The following SPMAP2 variants were observed in gnomAD, a reference collection of about 807,000 sequenced individuals.
The protein encoded by SPMAP2 is Theg homolog.
At chr19:367,410 CA>C in the SPMAP2 span, among the ~76,000 whole-genome samples, 46 of 152,116 alleles carry the variant, frequency 3.0e-4, no homozygotes, top group East Asian at 5.6e-3. Context: ...AACCAATAAC[CA>C]AAAAAACCCC....
chr19:364,212 C>G, the SPMAP2 span, among the ~76,000 whole-genome samples: 1 of 150,650 alleles, frequency 6.6e-6, no homozygotes. Context: ...TGGCGGCTGC[C>G]TGTAGTCCCA....
chr19:362,318 T>C, the SPMAP2 span: 1 of 1,610,250 alleles, frequency 6.2e-7, no homozygotes, highest in Non-Finnish European at 8.5e-7. Flanking sequence ...CACTTTGGGC[T>C]TGGCCAGGGA....
At chr19:365,099 A>T in the SPMAP2 span, among the ~76,000 whole-genome samples, 1 of 152,330 alleles carries the variant, frequency 6.6e-6, no homozygotes, top group African/African-American at 2.4e-5. Flanking sequence ...GGCCATCTGA[A>T]TGGAAACTGC....
the SPMAP2 span, among the ~76,000 whole-genome samples, chr19:375,078 C>G: frequency 1.3e-5 from 2 of 152,106 alleles, no homozygotes; most frequent in African/African-American, 4.8e-5. Context: ...AGGTCGGGCA[C>G]GTGCAGGGAC....
chr19:368,430 T>G, the SPMAP2 span, among the ~76,000 whole-genome samples: 1 of 151,882 alleles, frequency 6.6e-6, no homozygotes, highest in East Asian at 1.9e-4. This position sits in a 1 kb window ranked among gnomAD's most constrained non-coding sequence, Gnocchi z 4.1. Flanking sequence ...GTCTCCCACT[T>G]ATGCTTTGCT....
chr19:373,571 G>T, the SPMAP2 span: 19 of 1,594,818 alleles, frequency 1.2e-5, no homozygotes, highest in Non-Finnish European at 1.6e-5. Context: ...GAGGCAGAGA[G>T]CCCTGGCCCT....
the SPMAP2 span, chr19:373,437 G>C: frequency 6.2e-7 from 1 of 1,609,816 alleles, no homozygotes; most frequent in Non-Finnish European, 8.5e-7. Context: ...GCAGCCGGGG[G>C]CAGGGGTCTC....
At chr19:373,507 C>T in the SPMAP2 span, 2 of 1,613,446 alleles carry the variant, frequency 1.2e-6, no homozygotes, top group Non-Finnish European at 1.7e-6. Context: ...CCTCAAGGAA[C>T]CGCTCGGTCC....
At chr19:364,336 CAAAAAAA>C in the SPMAP2 span, among the ~76,000 whole-genome samples, 11 of 74,130 alleles carry the variant, frequency 1.5e-4, no homozygotes, top group East Asian at 7.8e-4. Context: ...AGCTCTGTCT[CAAAAAAA>C]AAAAAAAAAA....
At chr19:364,353 AAAAG>A in the SPMAP2 span, among the ~76,000 whole-genome samples, 1,001 of 149,042 alleles carry the variant, frequency 6.7e-3, 5 homozygotes, top group South Asian at 0.016. Flanking sequence ...AAAAAAAAAA[AAAAG>A]AAAGAAAAAA....
chr19:370,035 C>T, the SPMAP2 span, among the ~76,000 whole-genome samples: 451 of 152,218 alleles, frequency 3.0e-3, 4 homozygotes, highest in African/African-American at 0.01. Context: ...CCAAAGAATG[C>T]AAGATGGCCA....
At chr19:364,250 C>T in the SPMAP2 span, among the ~76,000 whole-genome samples, 35 of 142,140 alleles carry the variant, frequency 2.5e-4, no homozygotes, top group Admixed American at 7.5e-4. Flanking sequence ...GGCAGGAGAA[C>T]GGCGTGAACC....
At chr19:362,203 G>A in the SPMAP2 span, 1 of 1,495,144 alleles carries the variant, frequency 6.7e-7, no homozygotes, top group Non-Finnish European at 8.9e-7. Flanking sequence ...GGAGGTCTTA[G>A]AGGCCAGGCC....
the SPMAP2 span, chr19:371,363 GGT>G: frequency 1.0e-6 from 1 of 999,648 alleles, no homozygotes. Flanking sequence ...CTCGGCCGGG[GGT>G]GGGGGTGTGT....
the SPMAP2 span, among the ~76,000 whole-genome samples, chr19:368,786 C>T: frequency 6.6e-5 from 10 of 152,312 alleles, no homozygotes; most frequent in Non-Finnish European, 8.8e-5. The surrounding 1 kb of genome is among the most constrained non-coding windows in gnomAD (Gnocchi z 4.1). Context: ...CTCAGTGATC[C>T]GTCTTCTCCC....
At chr19:365,148 C>T in the SPMAP2 span, among the ~76,000 whole-genome samples, 3 of 152,340 alleles carry the variant, frequency 2.0e-5, no homozygotes, top group Admixed American at 2.0e-4. Context: ...CACGCACCCG[C>T]GCTCACCACA....
chr19:362,481 A>C, the SPMAP2 span: 1 of 1,443,670 alleles, frequency 6.9e-7, no homozygotes, highest in African/African-American at 1.4e-5. Flanking sequence ...AAAGCTCCAC[A>C]TTCAGGCTGG....
chr19:375,703 C>G, the SPMAP2 span: 1 of 1,603,600 alleles, frequency 6.2e-7, no homozygotes, highest in South Asian at 1.1e-5. Flanking sequence ...TTGTCCAGGA[C>G]TCTCTCCAAC....
chr19:368,417 C>T, the SPMAP2 span, among the ~76,000 whole-genome samples: 1 of 151,984 alleles, frequency 6.6e-6, no homozygotes, highest in Non-Finnish European at 1.5e-5. This position sits in a 1 kb window ranked among gnomAD's most constrained non-coding sequence, Gnocchi z 4.1. Flanking sequence ...GACCGCTTCA[C>T]ACGTCTCCCA....
Sources: allele counts gnomAD v4.1 joint callset (sites outside exome capture counted in the v4.1 genomes callset), GRCh38; gene constraint gnomAD v4.1.1; non-coding constraint Gnocchi (gnomAD v3.1); transcripts MANE v1.5; gene names NCBI Gene and HGNC (gene_info 2026-07-23, HGNC 2026-07-21).